The following COX7B2 variants were observed in gnomAD, a reference collection of about 807,000 sequenced individuals.
The protein encoded by COX7B2 is cytochrome c oxidase subunit 7B2.
For synonymous variants in COX7B2, 37 were observed against 32.1 expected (o/e 1.15, Z -0.51); for missense variants, 109 against 95.9 (o/e 1.14, Z -0.57).
At chr4:46,760,629 G>C (rs1250710049) in intron 2 of COX7B2, among the ~76,000 whole-genome samples, 2 of 152,006 alleles carry the variant, frequency 1.3e-5, no homozygotes, top group Non-Finnish European at 2.9e-5. Context: ...GATGGGTGCA[G>C]CAATCCACCA....
At chr4:46,855,634 A>T (rs1431248003) in intron 1 of COX7B2, among the ~76,000 whole-genome samples, 1 of 151,868 alleles carries the variant, frequency 6.6e-6, no homozygotes, top group East Asian at 1.9e-4. Context: ...AAAAAAAACT[A>T]AAAAAAAGCA....
chr4:46,788,659 T>C (rs746989846), intron 2 of COX7B2, among the ~76,000 whole-genome samples: 135 of 152,266 alleles, frequency 8.9e-4, no homozygotes, highest in Admixed American at 3.3e-3. Context: ...CATATAGAAA[T>C]CAATTTATGT....
At chr4:46,811,887 T>C (rs1477014094) in intron 2 of COX7B2, among the ~76,000 whole-genome samples, 2 of 152,170 alleles carry the variant, frequency 1.3e-5, no homozygotes, top group East Asian at 3.9e-4. Flanking sequence ...CTGTGATCAA[T>C]GTTAGTGATG....
intron 1 of COX7B2, among the ~76,000 whole-genome samples, chr4:46,900,678 T>C (rs541688780): frequency 2.0e-5 from 3 of 152,296 alleles, no homozygotes; most frequent in Admixed American, 2.0e-4. Flanking sequence ...GGGCCTTTGA[T>C]AGGTCACCCT....
intron 1 of COX7B2, among the ~76,000 whole-genome samples, chr4:46,900,602 T>C (rs1720023402): frequency 6.6e-6 from 1 of 152,178 alleles, no homozygotes; most frequent in Admixed American, 6.5e-5. Flanking sequence ...GATTTGAATG[T>C]TTGTGTTCCC....
Position 46,820,834 on chromosome 4 carries a change from A to AAT in COX7B2, c.-50+24124_-50+24125dup, listed in dbSNP as rs1194238870. On this transcript the variant is annotated intron_variant, in intron 2 of 2. Coordinates refer to ENST00000355591, the MANE Select transcript of COX7B2 (RefSeq NM_130902.3). ...AAAACTCCATCTCAAAAAAAAAAAA[A>AAT]ATATATATATATATATATAGATAGA... Among the ~76,000 whole-genome samples, 615 of 129,164 alleles carry AAT rather than the reference A, an allele frequency of 4.8e-3. 4 individuals carry two copies. Among genetic ancestry groups the AAT allele is most frequent in the Non-Finnish European group, 5.1e-3 (318 of 61,754 alleles). 84.7% of individuals were successfully genotyped at this position (129,164 alleles called of 152,430 possible). A position where few individuals can be genotyped will look rare whatever the true frequency, so the allele number is the denominator to read the frequency against.
chr4:46,880,046 A>C (rs920329678), intron 1 of COX7B2, among the ~76,000 whole-genome samples: 1 of 152,086 alleles, frequency 6.6e-6, no homozygotes, highest in Non-Finnish European at 1.5e-5. Context: ...TTTCATGGGA[A>C]TGCTTCCAAC....
At chr4:46,811,551 G>A (rs1390778920) in intron 2 of COX7B2, among the ~76,000 whole-genome samples, 1 of 151,958 alleles carries the variant, frequency 6.6e-6, no homozygotes, top group African/African-American at 2.4e-5. Flanking sequence ...TAATTACACT[G>A]AATCATTTAT....
At chr4:46,797,087 T>TATA (rs1223699687) in intron 2 of COX7B2, among the ~76,000 whole-genome samples, 2 of 56,702 alleles carry the variant, frequency 3.5e-5, no homozygotes, top group Admixed American at 3.0e-4. Flanking sequence ...AAACTTAGAG[T>TATA]ATAATAAAAA....
At position 46,885,746 on chromosome 4, in the gene COX7B2, T is replaced by C. The variant is rs1009522549; in HGVS notation, c.-105+23414A>G. Among the ~76,000 whole-genome samples, 8 of 152,302 alleles carry C rather than the reference T, an allele frequency of 5.3e-5. 2 individuals carry two copies. Among genetic ancestry groups the C allele is most frequent in the Admixed American group, 1.3e-4 (2 of 15,294 alleles). Reference sequence around the variant, plus strand: ...TTATCTAAGCATTTAATTCTTTCAGTTATCTTAACATATAATTCTTCCGGT... The same window carrying C: ...TTATCTAAGCATTTAATTCTTTCAGCTATCTTAACATATAATTCTTCCGGT... On this transcript the variant is annotated intron_variant, in intron 1 of 2. Coordinates refer to ENST00000355591, the MANE Select transcript of COX7B2 (RefSeq NM_130902.3).
intron 2 of COX7B2, among the ~76,000 whole-genome samples, chr4:46,826,231 AAAG>A (rs1205017496): frequency 6.6e-6 from 1 of 152,224 alleles, no homozygotes; most frequent in African/African-American, 2.4e-5. Flanking sequence ...ACACTTTTTT[AAAG>A]AAGACATATA....
chr4:46,777,233 G>T (rs1222027122), intron 2 of COX7B2, among the ~76,000 whole-genome samples: 1 of 152,060 alleles, frequency 6.6e-6, no homozygotes, highest in African/African-American at 2.4e-5. Flanking sequence ...GAGATAAAAG[G>T]GGAGTAAAGG....
At chr4:46,837,590 G>A (rs963660282) in intron 2 of COX7B2, among the ~76,000 whole-genome samples, 1 of 151,984 alleles carries the variant, frequency 6.6e-6, no homozygotes, top group Admixed American at 6.6e-5. Context: ...GAAATGGGTA[G>A]TGGTGATGGT....
intron 2 of COX7B2, among the ~76,000 whole-genome samples, chr4:46,807,273 T>A (rs1049758870): frequency 6.6e-6 from 1 of 151,960 alleles, no homozygotes; most frequent in Non-Finnish European, 1.5e-5. Context: ...TTAATTATGT[T>A]GAGCACTTTT....
chr4:46,748,355 G>T (rs1467631527), intron 2 of COX7B2, among the ~76,000 whole-genome samples: 1 of 152,084 alleles, frequency 6.6e-6, no homozygotes. Flanking sequence ...TTATTTAACT[G>T]AAGAAAATAG....
intron 1 of COX7B2, among the ~76,000 whole-genome samples, chr4:46,845,475 A>G (rs561829695): frequency 2.6e-5 from 4 of 152,002 alleles, no homozygotes; most frequent in Admixed American, 6.6e-5. Flanking sequence ...TAACCAGCAG[A>G]CTAATGCCTC....
At position 46,801,231 on chromosome 4, in the gene COX7B2, G is replaced by A. The variant is rs79319002; in HGVS notation, c.-50+43729C>T. Among the ~76,000 whole-genome samples, 1,319 of 152,092 alleles carry A rather than the reference G, an allele frequency of 8.7e-3. 16 individuals carry two copies. Among genetic ancestry groups the A allele is most frequent in the African/African-American group, 0.03 (1,251 of 41,472 alleles). Reference sequence around the variant, plus strand: ...CATTTAACCCAGTGATCCTAATACTGGGTATATATTAAAAGGAATATAAAT... The same window carrying A: ...CATTTAACCCAGTGATCCTAATACTAGGTATATATTAAAAGGAATATAAAT... On this transcript the variant is annotated intron_variant, in intron 2 of 2. Coordinates refer to ENST00000355591, the MANE Select transcript of COX7B2 (RefSeq NM_130902.3).
rs187118233 is a variant in COX7B2 at position 46,755,096 on chromosome 4, G to A, written c.-49-19855C>T. Among the ~76,000 whole-genome samples the A allele has an allele frequency of 2.6e-5, 4 of 151,538 alleles. No individual in the cohort carries two copies. In the East Asian group the frequency reaches 7.8e-4, roughly 29 times the overall value. On this transcript the variant is annotated intron_variant, in intron 2 of 2. Transcript: ENST00000355591. ...ATCAAAAAATGATACACAATATTAA[G>A]GTGAGCTTTACCCCAGGGAGTAAAG...
intron 1 of COX7B2, among the ~76,000 whole-genome samples, chr4:46,871,158 G>A (rs1717966391): frequency 6.6e-6 from 1 of 151,928 alleles, no homozygotes; most frequent in Admixed American, 6.6e-5. Flanking sequence ...TAGACCAATG[G>A]AAAAGAATAA....
Sources: allele counts gnomAD v4.1 joint callset (sites outside exome capture counted in the v4.1 genomes callset), GRCh38; gene constraint gnomAD v4.1.1; transcripts MANE v1.5; gene names NCBI Gene and HGNC (gene_info 2026-07-23, HGNC 2026-07-21).